The following DLG2 variants were observed in gnomAD, a reference collection of about 807,000 sequenced individuals.
DLG2 encodes the protein disks large homolog 2.
A neutral mutation model predicts 132.5 loss-of-function variants in DLG2; 45 were observed. The ratio of observed to expected loss-of-function variants is 0.34; its 90% confidence interval spans 0.27 to 0.44. DLG2 has a LOEUF of 0.44. Among genes scored for constraint, DLG2 ranks in the 20% least tolerant of loss-of-function variants. DLG2 has a pLI of 1.00. For missense variants in DLG2, 1,045 were observed against 1,196.9 expected (o/e 0.87, Z 1.87); for synonymous variants, 424 against 419.6 (o/e 1.01, Z -0.13).
intron 6 of DLG2, among the ~76,000 whole-genome samples, chr11:84,974,621 G>T (rs1592080675): frequency 6.6e-6 from 1 of 152,158 alleles, no homozygotes; most frequent in African/African-American, 2.4e-5. Flanking sequence ...TTATTGTTAA[G>T]GAATCCAGAA....
chr11:84,109,285 C>A (rs1319658227), intron 9 of DLG2, among the ~76,000 whole-genome samples: 2 of 152,112 alleles, frequency 1.3e-5, no homozygotes, highest in Non-Finnish European at 2.9e-5. Flanking sequence ...CTTTGGTCCC[C>A]ACAACTGTAA....
intron 7 of DLG2, among the ~76,000 whole-genome samples, chr11:84,447,499 T>C (rs2099038769): frequency 6.6e-6 from 1 of 152,120 alleles, no homozygotes; most frequent in African/African-American, 2.4e-5. Flanking sequence ...TTCAGTGTTT[T>C]CTCCCCTTTT....
intron 6 of DLG2, among the ~76,000 whole-genome samples, chr11:84,607,472 A>G (rs11234097): frequency 0.14 from 21,482 of 152,090 alleles, 1,710 homozygotes; most frequent in African/African-American, 0.2. Flanking sequence ...TTGGGGGGGC[A>G]GGGAGAGCAG....
At chr11:83,953,312 G>A (rs528881893) in intron 14 of DLG2, among the ~76,000 whole-genome samples, 2 of 152,200 alleles carry the variant, frequency 1.3e-5, no homozygotes, top group Non-Finnish European at 2.9e-5. Context: ...ACAGCAGGAG[G>A]TGAGCAGTGA....
chr11:85,023,174 T>C (rs2060226870), intron 6 of DLG2, among the ~76,000 whole-genome samples: 1 of 152,094 alleles, frequency 6.6e-6, no homozygotes, highest in Non-Finnish European at 1.5e-5. Context: ...AAGGGTGCTT[T>C]ATTTGTATTA....
chr11:83,939,968 T>C (rs2082286433), intron 14 of DLG2, among the ~76,000 whole-genome samples: 1 of 152,246 alleles, frequency 6.6e-6, no homozygotes, highest in Non-Finnish European at 1.5e-5. Flanking sequence ...ATCACTTAAA[T>C]GGATTTCTTT....
chr11:85,399,291 A>G (rs1468607428), intron 3 of DLG2, among the ~76,000 whole-genome samples: 1 of 152,184 alleles, frequency 6.6e-6, no homozygotes, highest in Non-Finnish European at 1.5e-5. Context: ...GGACACAAAC[A>G]AACGAAAGAA....
intron 3 of DLG2, among the ~76,000 whole-genome samples, chr11:85,509,241 T>A (rs1226673182): frequency 6.6e-6 from 1 of 152,054 alleles, no homozygotes; most frequent in Non-Finnish European, 1.5e-5. Flanking sequence ...ACCAAGAGTT[T>A]TTCTTCAAAA....
At chr11:84,961,109 TC>T (rs879562236) in intron 6 of DLG2, among the ~76,000 whole-genome samples, 5 of 151,690 alleles carry the variant, frequency 3.3e-5, no homozygotes. Flanking sequence ...GCTCCATGCT[TC>T]CTTAATTGAC....
chr11:84,735,436 T>G (rs2063704627), intron 6 of DLG2, among the ~76,000 whole-genome samples: 1 of 152,214 alleles, frequency 6.6e-6, no homozygotes, highest in Admixed American at 6.5e-5. Context: ...GAGGTGTTTA[T>G]AGTATTCTCT....
chr11:84,370,240 T>C (rs1047069081), intron 7 of DLG2, among the ~76,000 whole-genome samples: 1 of 152,156 alleles, frequency 6.6e-6, no homozygotes, highest in Non-Finnish European at 1.5e-5. Context: ...AAAAGTGGTA[T>C]AGGGGGAAGT....
intron 3 of DLG2, among the ~76,000 whole-genome samples, chr11:85,322,657 T>A (rs2081157975): frequency 6.6e-6 from 1 of 152,090 alleles, no homozygotes; most frequent in Non-Finnish European, 1.5e-5. Flanking sequence ...ATAACAAAAA[T>A]CTTATTCTCC....
intron 15 of DLG2, among the ~76,000 whole-genome samples, chr11:83,885,848 A>G (rs1222176262): frequency 6.6e-6 from 1 of 152,158 alleles, no homozygotes; most frequent in South Asian, 2.1e-4. Context: ...CAGCCAAACT[A>G]AGCTTCATAA....
At chr11:85,195,925 G>C (rs1565142192) in intron 4 of DLG2, among the ~76,000 whole-genome samples, 1 of 152,040 alleles carries the variant, frequency 6.6e-6, no homozygotes, top group Non-Finnish European at 1.5e-5. Flanking sequence ...ATATACTTTG[G>C]TTTTATGGCA....
intron 6 of DLG2, among the ~76,000 whole-genome samples, chr11:84,659,631 A>G (rs1940080): frequency 0.53 from 80,769 of 151,908 alleles, 22,146 homozygotes; most frequent in East Asian, 0.65. Flanking sequence ...CTCTTTTTCC[A>G]AATTTCTCAC....
intron 7 of DLG2, among the ~76,000 whole-genome samples, chr11:84,407,956 A>G (rs949728283): frequency 6.6e-6 from 1 of 152,216 alleles, no homozygotes; most frequent in Non-Finnish European, 1.5e-5. Flanking sequence ...TGAGGGTATT[A>G]ACCTATAGCC....
intron 4 of DLG2, among the ~76,000 whole-genome samples, chr11:85,165,794 G>A (rs571039891): frequency 3.3e-5 from 5 of 152,260 alleles, no homozygotes; most frequent in African/African-American, 1.2e-4. Context: ...AACCTGCACT[G>A]CAGTTTCCAT....
intron 7 of DLG2, among the ~76,000 whole-genome samples, chr11:84,363,524 A>G (rs1217453523): frequency 6.6e-6 from 1 of 151,758 alleles, no homozygotes; most frequent in Non-Finnish European, 1.5e-5. Flanking sequence ...ATTAGATCCC[A>G]TTTGTCAATT....
intron 8 of DLG2, among the ~76,000 whole-genome samples, chr11:84,224,772 C>T (rs531422138): frequency 1.3e-5 from 2 of 152,292 alleles, no homozygotes; most frequent in East Asian, 3.9e-4. Context: ...TGTTCTGCAT[C>T]CTCTCACTGT....
Sources: gnomAD v4.1 joint callset for allele counts (sites outside exome capture counted in the v4.1 genomes callset) on GRCh38, gnomAD v4.1.1 for gene constraint, MANE v1.5 for transcripts, NCBI Gene and HGNC (gene_info 2026-07-23, HGNC 2026-07-21) for gene names.